The following PDS5B variants were observed in gnomAD, a reference collection of about 807,000 sequenced individuals.
The protein encoded by PDS5B is sister chromatid cohesion protein PDS5 homolog B.
A neutral mutation model predicts 184.1 loss-of-function variants in PDS5B; 51 were observed. The observed-to-expected ratio is 0.28, with a 90% CI of 0.22 to 0.35. The LOEUF (loss-of-function observed/expected upper bound fraction) is 0.35, where lower values mean the gene tolerates loss of function less well. PDS5B is among the 10% of genes least tolerant of loss of function. PDS5B has a pLI of 1.00. For missense variants in PDS5B, 1,180 were observed against 1,723.3 expected (o/e 0.68, Z 5.58); for synonymous variants, 566 against 569.2 (o/e 0.99, Z 0.08).
intron 1 of PDS5B, among the ~76,000 whole-genome samples, chr13:32,590,269 C>T (rs574443798): frequency 6.6e-6 from 1 of 152,294 alleles, no homozygotes; most frequent in East Asian, 1.9e-4. Context: ...GCCTGCCATT[C>T]TCTTTTTTGA....
chr13:32,703,768 A>G (rs1478218998), intron 17 of PDS5B, among the ~76,000 whole-genome samples: 3 of 152,146 alleles, frequency 2.0e-5, no homozygotes, highest in Non-Finnish European at 2.9e-5. Context: ...TCTTTTCAAT[A>G]TTTGTCATTT....
intron 25 of PDS5B, 24 bp downstream of exon 25, chr13:32,753,560 G>T: frequency 6.5e-7 from 1 of 1,534,744 alleles, no homozygotes; most frequent in Non-Finnish European, 8.9e-7. Context: ...AAAATGGAAA[G>T]GATACTTTTT....
At chr13:32,756,717 G>T (rs1954193062) in intron 26 of PDS5B, among the ~76,000 whole-genome samples, 1 of 152,106 alleles carries the variant, frequency 6.6e-6, no homozygotes, top group Non-Finnish European at 1.5e-5. Context: ...GTATTTTATA[G>T]TTAAATAATT....
chr13:32,632,499 A>C (rs188368757), intron 1 of PDS5B, among the ~76,000 whole-genome samples: 1 of 152,360 alleles, frequency 6.6e-6, no homozygotes, highest in East Asian at 1.9e-4. Context: ...TAAAAAAACA[A>C]AACCAGAAAA....
At chr13:32,716,189 G>A (rs1952400208) in intron 19 of PDS5B, among the ~76,000 whole-genome samples, 1 of 30 alleles carries the variant, frequency 0.033, no homozygotes, top group Non-Finnish European at 0.062. Context: ...GTCTCTGCCC[G>A]GCGTGCCATC....
rs765093356 is a variant in PDS5B, at chr13:32,735,288, G to A, written c.2364G>A (p.Leu788=). ...AATTTGCTGCTCCTTTGAAATCTTT[G>A]GTAGCTACTTTCATTGTGAAAGATC... is the stretch of plus-strand genomic sequence containing the variant. ...PDQFAAPLKS[L]VATFIVKDLL... The change falls in exon 21 of 35, where the codon TTG becomes TTA. Residue 788 remains leucine (L), a synonymous_variant. Coordinates refer to ENST00000315596, the MANE Select transcript of PDS5B (RefSeq NM_015032.4). The A allele has an allele frequency of 4.3e-6, 7 of 1,611,320 alleles. No homozygotes were observed. The South Asian group carries it at 4.4e-5, about 10-fold the overall frequency.
At chr13:32,758,325 C>A in intron 27 of PDS5B, 106 bp downstream of exon 27, 1 of 1,051,716 alleles carries the variant, frequency 9.5e-7, no homozygotes, top group Non-Finnish European at 1.3e-6. Flanking sequence ...ATAATTTTTT[C>A]TATTAGTAAT....
rs144745684 is a variant in PDS5B, at chr13:32,720,611, TTTTA to T, written c.2123+10521_2123+10524del. Among the ~76,000 whole-genome samples, 1,014 of 151,484 alleles carry T rather than the reference TTTTA, an allele frequency of 6.7e-3. 19 individuals are homozygous for T. Among genetic ancestry groups the T allele is most frequent in the African/African-American group, 0.023 (934 of 41,384 alleles). On this transcript the variant is annotated intron_variant, in intron 19 of 34. Coordinates refer to ENST00000315596, the MANE Select transcript of PDS5B (RefSeq NM_015032.4). ...TACAACTTTTATCTTTATTTTTTAT[TTTTA>T]TTTATTTATTTATTTTATTATTTTT...
chr13:32,715,706 T>C (rs1952366789), intron 19 of PDS5B, among the ~76,000 whole-genome samples: 1 of 152,018 alleles, frequency 6.6e-6, no homozygotes, highest in African/African-American at 2.4e-5. Flanking sequence ...CCTCTGATGC[T>C]GAGCCAAAGC....
chr13:32,701,162 A>G, intron 16 of PDS5B, 161 bp from the exon 17 acceptor site: 1 of 529,576 alleles, frequency 1.9e-6, no homozygotes, highest in East Asian at 3.1e-5. Context: ...TCATATGCTA[A>G]ATCCTTAATT....
intron 31 of PDS5B, among the ~76,000 whole-genome samples, chr13:32,769,566 AAAG>A (rs1954707307): frequency 6.6e-6 from 1 of 152,220 alleles, no homozygotes; most frequent in Non-Finnish European, 1.5e-5. Flanking sequence ...TTATACCTAG[AAAG>A]AAGCAGTATT....
At chr13:32,607,803 T>G (rs1477770372) in intron 1 of PDS5B, among the ~76,000 whole-genome samples, 1 of 152,208 alleles carries the variant, frequency 6.6e-6, no homozygotes, top group Non-Finnish European at 1.5e-5. Context: ...TGCAGTTCGA[T>G]CTCAGACTGC....
At chr13:32,623,729 A>C (rs1216506854) in intron 1 of PDS5B, among the ~76,000 whole-genome samples, 1 of 152,108 alleles carries the variant, frequency 6.6e-6, no homozygotes, top group Non-Finnish European at 1.5e-5. Flanking sequence ...AGTTTTAAAA[A>C]AAGTTTAGTT....
Position 32,683,967 on chromosome 13 carries a change from C to T in PDS5B, c.1147C>T (p.Leu383Phe). 6.3e-7 allele frequency: 1 copy of T among 1,590,392 alleles called. No homozygotes were observed. The highest frequency in any genetic ancestry group is 8.6e-7 in the Non-Finnish European group (1 of 1,160,284). ...SIVTAAKKDI[L>F]LVNDHLLNFV... ...AGTTACAGCTGCTAAAAAGGATATTCTTCTGGTCAATGATCACTTACTTAA... is the reference window on the plus strand; with the variant it reads ...AGTTACAGCTGCTAAAAAGGATATTTTTCTGGTCAATGATCACTTACTTAA... The change falls in exon 11 of 35, where the codon CTT (leucine) becomes TTT (phenylalanine). Residue 383 changes from leucine (L) to phenylalanine (F), a missense_variant. By Grantham distance (22) the Leu-to-Phe change is conservative (BLOSUM62 0). Coordinates refer to ENST00000315596, the MANE Select transcript of PDS5B (RefSeq NM_015032.4).
intron 24 of PDS5B, among the ~76,000 whole-genome samples, chr13:32,747,325 C>T (rs895568462): frequency 1.3e-5 from 2 of 152,034 alleles, no homozygotes; most frequent in African/African-American, 4.8e-5. Flanking sequence ...TTCTTCCTCC[C>T]CACCCTTTAT....
chr13:32,723,027 A>T (rs1952771636), intron 19 of PDS5B, among the ~76,000 whole-genome samples: 1 of 152,224 alleles, frequency 6.6e-6, no homozygotes, highest in Non-Finnish European at 1.5e-5. Flanking sequence ...CAGCACAGGG[A>T]TATTCATGGT....
At chr13:32,676,956 A>G (rs1951084829) in intron 9 of PDS5B, among the ~76,000 whole-genome samples, 1 of 133,512 alleles carries the variant, frequency 7.5e-6, no homozygotes, top group Non-Finnish European at 1.6e-5. Context: ...AAAAAAAAAA[A>G]GATTTAAAGG....
intron 15 of PDS5B, among the ~76,000 whole-genome samples, chr13:32,697,448 C>A (rs563772659): frequency 1.8e-4 from 27 of 152,270 alleles, no homozygotes; most frequent in African/African-American, 5.8e-4. Context: ...AGGAATACTT[C>A]TGCTGAACTT....
chr13:32,591,529 T>G (rs1394878621), intron 1 of PDS5B, among the ~76,000 whole-genome samples: 1 of 152,206 alleles, frequency 6.6e-6, no homozygotes, highest in African/African-American at 2.4e-5. Context: ...AATATTTTAT[T>G]ATAACATAAT....
Sources: gnomAD v4.1 joint callset for allele counts (sites outside exome capture counted in the v4.1 genomes callset) on GRCh38, gnomAD v4.1.1 for gene constraint, MANE v1.5 for transcripts, NCBI Gene and HGNC (gene_info 2026-07-23, HGNC 2026-07-21) for gene names.